Variants in NEDD9 observed in about 807,000 individuals in gnomAD.
NEDD9 encodes the protein enhancer of filamentation 1.
A neutral mutation model predicts 76.6 loss-of-function variants in NEDD9; 26 were observed. The observed-to-expected ratio is 0.34, with a 90% CI of 0.25 to 0.47. The LOEUF is 0.47. NEDD9 is among the 20% of genes least tolerant of loss of function. NEDD9 has a pLI of 1.00. For missense variants in NEDD9, 937 were observed against 1,058.5 expected, an observed-to-expected ratio of 0.89 and a Z score of 1.59; for synonymous variants, 392 against 414.2, an observed-to-expected ratio of 0.95 and a Z score of 0.65.
upstream of NEDD9, among the ~76,000 whole-genome samples, chr6:11,234,785 G>A (rs954573646): frequency 1.3e-5 from 2 of 149,344 alleles, no homozygotes; most frequent in South Asian, 2.1e-4. Context: ...GTGCAATATC[G>A]GCTCACTGCA....
rs544994331 is a variant in NEDD9, at chr6:11,339,533, TTA to T, written c.-213-4974_-213-4973del. On this transcript the variant is annotated intron_variant, in intron 1 of 3. Transcript: ENST00000397378. The stretch of plus-strand genomic sequence containing the variant: ...ACAGGTGTGGCCAAAGTGGAGCAGC[TTA>T]TGTCTGTTGTGCAACTGGTGCATCC... 4.3e-3 allele frequency among the ~76,000 whole-genome samples: 653 copies of T among 152,346 alleles called. 2 individuals are homozygous for T. Among genetic ancestry groups the T allele is most frequent in the African/African-American group, 0.015 (620 of 41,584 alleles).
intron 5 of NEDD9, among the ~76,000 whole-genome samples, chr6:11,189,028 C>A (rs1176655425): frequency 6.6e-6 from 1 of 151,078 alleles, no homozygotes; most frequent in South Asian, 2.1e-4. Flanking sequence ...CTCACTGCAA[C>A]CTCCGCCTCC....
chr6:11,206,655 T>G (rs1322096804), intron 2 of NEDD9, among the ~76,000 whole-genome samples: 1 of 152,230 alleles, frequency 6.6e-6, no homozygotes, highest in Non-Finnish European at 1.5e-5. Flanking sequence ...TAATGCACTC[T>G]TAGAAATATG....
chr6:11,246,127 A>G (rs1479149150), intron 3 of NEDD9, among the ~76,000 whole-genome samples: 1 of 152,190 alleles, frequency 6.6e-6, no homozygotes, highest in Non-Finnish European at 1.5e-5. Flanking sequence ...TAACACAATG[A>G]TAATGTTAAT....
chr6:11,303,667 C>A (rs1487359229), intron 3 of NEDD9, among the ~76,000 whole-genome samples: 9 of 152,116 alleles, frequency 5.9e-5, no homozygotes, highest in African/African-American at 2.2e-4. Context: ...ACATCTACAA[C>A]CATCTGAACT....
intron 2 of NEDD9, chr6:11,207,358 G>A (rs1407654652): frequency 6.6e-6 from 1 of 152,222 alleles, no homozygotes; most frequent in African/African-American, 2.4e-5. Flanking sequence ...GTGTGTATGT[G>A]TATGTGTATG....
At chr6:11,325,615 G>A (rs1196340705) in intron 2 of NEDD9, among the ~76,000 whole-genome samples, 10 of 152,136 alleles carry the variant, frequency 6.6e-5, no homozygotes, top group African/African-American at 2.4e-4. Flanking sequence ...TAGCGAATAA[G>A]AATGATTTTA....
chr6:11,341,806 C>A (rs1003418849), intron 1 of NEDD9, among the ~76,000 whole-genome samples: 2 of 152,094 alleles, frequency 1.3e-5, no homozygotes, highest in Admixed American at 6.5e-5. Context: ...AAAAACCATA[C>A]AAGGGTAGTG....
chr6:11,334,688 G>A (rs1300448843), intron 1 of NEDD9: 2 of 152,080 alleles, frequency 1.3e-5, no homozygotes, highest in African/African-American at 4.8e-5. Flanking sequence ...GGCATTTCTC[G>A]CTTTATGTTT....
At chr6:11,287,166 C>A (rs1760667486) in intron 3 of NEDD9, among the ~76,000 whole-genome samples, 1 of 152,198 alleles carries the variant, frequency 6.6e-6, no homozygotes, top group Non-Finnish European at 1.5e-5. Context: ...GTGGCTCACG[C>A]TTTTAGTCTC....
intron 3 of NEDD9, among the ~76,000 whole-genome samples, chr6:11,296,012 TA>T (rs1760878595): frequency 6.6e-6 from 1 of 152,072 alleles, no homozygotes; most frequent in East Asian, 1.9e-4. Flanking sequence ...GTAATTAAGT[TA>T]AAATGAGGTC....
intron 1 of NEDD9, chr6:11,352,519 G>A (rs972566148): frequency 3.3e-5 from 5 of 152,186 alleles, no homozygotes; most frequent in Admixed American, 2.6e-4. Context: ...CTGAAGCTAG[G>A]ACTACCCTAG....
At chr6:11,244,287 G>A (rs540153960) in intron 3 of NEDD9, among the ~76,000 whole-genome samples, 14 of 151,424 alleles carry the variant, frequency 9.2e-5, no homozygotes, top group South Asian at 2.1e-4. Context: ...GTGTGTGCAC[G>A]CACACACACA....
intron 3 of NEDD9, among the ~76,000 whole-genome samples, chr6:11,238,346 T>C (rs1240201603): frequency 1.3e-5 from 2 of 152,248 alleles, no homozygotes; most frequent in East Asian, 1.9e-4. Context: ...GCCCTGACCA[T>C]GGAGCTATAT....
chr6:11,338,378 G>A (rs1462641905), intron 1 of NEDD9, among the ~76,000 whole-genome samples: 2 of 152,116 alleles, frequency 1.3e-5, no homozygotes, highest in African/African-American at 2.4e-5. Flanking sequence ...TGACACCCTT[G>A]ATCTCAGCCT....
chr6:11,364,458 G>C (rs919109290), intron 1 of NEDD9, among the ~76,000 whole-genome samples: 6 of 152,118 alleles, frequency 3.9e-5, no homozygotes, highest in Admixed American at 3.3e-4. Context: ...TCCCCCCAAA[G>C]GTGTGTGACA....
chr6:11,320,661 T>G (rs934587808), intron 2 of NEDD9, among the ~76,000 whole-genome samples: 5 of 152,216 alleles, frequency 3.3e-5, no homozygotes, highest in Non-Finnish European at 7.3e-5. Context: ...AATAGAGGAT[T>G]GGCTACATAA....
intron 2 of NEDD9, among the ~76,000 whole-genome samples, chr6:11,317,287 G>C (rs1304930451): frequency 6.6e-6 from 1 of 152,044 alleles, no homozygotes; most frequent in Non-Finnish European, 1.5e-5. Context: ...ACAAAAATTA[G>C]CTGGGTATGG....
intron 1 of NEDD9, among the ~76,000 whole-genome samples, chr6:11,229,230 A>G (rs1561798273): frequency 6.6e-6 from 1 of 152,260 alleles, no homozygotes; most frequent in Non-Finnish European, 1.5e-5. Context: ...TCAAAACGTT[A>G]AAGAATGAAT....
Sources: gnomAD v4.1 joint callset for allele counts (sites outside exome capture counted in the v4.1 genomes callset) on GRCh38, gnomAD v4.1.1 for gene constraint, MANE v1.5 for transcripts, NCBI Gene and HGNC (gene_info 2026-07-23, HGNC 2026-07-21) for gene names.